The following LRRC4B variants were observed in gnomAD, a reference collection of about 807,000 sequenced individuals.
LRRC4B encodes leucine-rich repeat-containing protein 4B.
LRRC4B carries 1 observed loss-of-function variant against 7.3 expected under a neutral mutation model. The ratio of observed to expected loss-of-function variants is 0.14; its 90% CI spans 0.05 to 0.65. The LOEUF is 0.65. LRRC4B is among the 30% of genes least tolerant of loss of function. LRRC4B has a pLI of 0.84. For synonymous variants in LRRC4B, 500 were observed against 499.2 expected (o/e 1.00, Z -0.02); for missense variants, 730 against 1,041.6 (o/e 0.70, Z 4.12).
chr19:50,564,879 C>G lies in LRRC4B; in HGVS notation c.-36+3065G>C, dbSNP rs1415621763. Among the ~76,000 whole-genome samples, 4 of 142,368 alleles carry G rather than the reference C, an allele frequency of 2.8e-5. No individual in the cohort carries two copies. In the South Asian group the frequency reaches 6.6e-4, roughly 23 times the overall value. The allele number at this position is 142,368 out of a possible 152,430, so 93.4% of individuals were successfully genotyped here. On this transcript the variant is annotated intron_variant, in intron 1 of 2. Transcript: ENST00000652263. The stretch of plus-strand genomic sequence containing the variant: ...GGGACTGAGGATTCAGCGGCCACCC[C>G]CGCCCCCAATCCCCAACCCACAGCA...
intron 2 of LRRC4B, among the ~76,000 whole-genome samples, chr19:50,547,968 C>T (rs1013524440): frequency 4.6e-5 from 7 of 152,032 alleles, no homozygotes; most frequent in African/African-American, 1.7e-4. Context: ...GGACGCAAAC[C>T]CTGCACTGCC....
chr19:50,526,816 A>T (rs1057096023), intron 2 of LRRC4B, among the ~76,000 whole-genome samples: 2 of 151,902 alleles, frequency 1.3e-5, no homozygotes, highest in African/African-American at 4.8e-5. Flanking sequence ...AATTTTTTCT[A>T]TGCATATTAT....
At chr19:50,549,882 G>T (rs1240497373) in intron 1 of LRRC4B, among the ~76,000 whole-genome samples, 1 of 152,212 alleles carries the variant, frequency 6.6e-6, no homozygotes, top group Non-Finnish European at 1.5e-5. Context: ...GGAAGGGAAG[G>T]GGGTCCAGGG....
chr19:50,540,375 T>A (rs1282606412), intron 2 of LRRC4B, among the ~76,000 whole-genome samples: 1 of 152,170 alleles, frequency 6.6e-6, no homozygotes, highest in Admixed American at 6.5e-5. Flanking sequence ...AAAAAAATTT[T>A]TTTTTGAGAC....
chr19:50,535,090 G>A (rs957628586), intron 2 of LRRC4B, among the ~76,000 whole-genome samples: 12 of 151,978 alleles, frequency 7.9e-5, no homozygotes, highest in Admixed American at 1.3e-4. Context: ...GGATGGTCTC[G>A]ATCTCCTGAC....
At chr19:50,529,634 G>C (rs1249973589) in intron 2 of LRRC4B, among the ~76,000 whole-genome samples, 1 of 151,932 alleles carries the variant, frequency 6.6e-6, no homozygotes, top group Admixed American at 6.6e-5. Context: ...GTGAAACCCC[G>C]TCTCTACTGA....
At chr19:50,532,166 G>A (rs1445763472) in intron 2 of LRRC4B, among the ~76,000 whole-genome samples, 1 of 152,170 alleles carries the variant, frequency 6.6e-6, no homozygotes, top group Admixed American at 6.5e-5. Context: ...AACCCGGGAG[G>A]CGGAGGTTGC....
chr19:50,557,012 G>C (rs1338440351), intron 1 of LRRC4B, among the ~76,000 whole-genome samples: 1 of 152,190 alleles, frequency 6.6e-6, no homozygotes, highest in Non-Finnish European at 1.5e-5. Context: ...CTCAGCTCTG[G>C]TGGGTGAAGG....
At position 50,553,905 on chromosome 19, in the gene LRRC4B, G is replaced by A. The variant is rs1045219333; in HGVS notation, c.-35-5032C>T. On this transcript the variant is annotated intron_variant, in intron 1 of 2. Coordinates refer to ENST00000652263, the MANE Select transcript of LRRC4B (RefSeq NM_001080457.2). This position sits in a 1 kb window ranked among gnomAD's most constrained non-coding sequence, Gnocchi z 4.2. ...CACCGAGCCAGGCCGCACTGCAATA[G>A]CTGCACAATGCAGGCTCCCAGCCCT... 7.2e-5 allele frequency among the ~76,000 whole-genome samples: 11 copies of A among 151,748 alleles called. No homozygotes were observed. Among genetic ancestry groups the A allele is most frequent in the African/African-American group, 2.7e-4 (11 of 41,344 alleles).
intron 1 of LRRC4B, among the ~76,000 whole-genome samples, chr19:50,551,802 G>GCGATTA (rs780238530): frequency 4.0e-5 from 6 of 150,876 alleles, no homozygotes; most frequent in Non-Finnish European, 7.4e-5. Flanking sequence ...CTCTTTCTCC[G>GCGATTA]CGATTACAAT....
At chr19:50,527,702 C>T (rs1240880271) in intron 2 of LRRC4B, among the ~76,000 whole-genome samples, 1 of 150,280 alleles carries the variant, frequency 6.7e-6, no homozygotes, top group Admixed American at 6.6e-5. Flanking sequence ...TTCTCTCTGT[C>T]TCTTTCCCTC....
intron 1 of LRRC4B, among the ~76,000 whole-genome samples, chr19:50,559,012 A>G (rs1216645057): frequency 1.3e-5 from 2 of 152,234 alleles, no homozygotes; most frequent in East Asian, 1.9e-4. Context: ...CAAGGGGCCC[A>G]TGGCGAGAGC....
In LRRC4B at chr19:50,518,187, G is replaced by T. The variant is rs2122756439; in HGVS notation, c.1526C>A (p.Thr509Lys). ...CGTGGGCCCTGGCGGTTCCTTCTCC[G>T]TCCCCCGCGGCTGCAGGGCCTCCTC... is the stretch of plus-strand genomic sequence containing the variant. The part of the protein sequence containing the change: ...PGEEALQPRG[T>K]EKEPPGPTTD... Residue 509 changes from threonine to lysine, a missense_variant, in exon 3 of 3, where the codon ACG (threonine) becomes AAG (lysine). Physicochemically the swap from Thr to Lys is moderately conservative, Grantham distance 78. Coordinates refer to ENST00000652263, the MANE Select transcript of LRRC4B (RefSeq NM_001080457.2). 1 of 1,607,656 alleles carries T rather than the reference G, an allele frequency of 6.2e-7. No individual in the cohort carries two copies.
At chr19:50,566,475 A>G (rs1371527665) in intron 1 of LRRC4B, among the ~76,000 whole-genome samples, 2 of 146,382 alleles carry the variant, frequency 1.4e-5, no homozygotes, top group African/African-American at 2.5e-5. Context: ...AAGTCACCAG[A>G]GGCTGCGGGG....
At chr19:50,535,209 A>G (rs758258201) in intron 2 of LRRC4B, among the ~76,000 whole-genome samples, 10 of 143,712 alleles carry the variant, frequency 7.0e-5, no homozygotes, top group Non-Finnish European at 1.4e-4. Context: ...ATCTTGCTCT[A>G]TTGCTCAGGC....
At position 50,519,566 on chromosome 19, in the gene LRRC4B, G is replaced by A. The variant is rs1194438066; in HGVS notation, c.298-151C>T. 2.8e-6 allele frequency: 4 copies of A among 1,411,678 alleles called. No individual in the cohort carries two copies. The highest frequency in any genetic ancestry group is 3.7e-6 in the Non-Finnish European group (4 of 1,080,426). 87.4% of individuals were successfully genotyped at this position (1,411,678 alleles called of 1,614,324 possible). A position where few individuals can be genotyped will look rare whatever the true frequency, so the allele number is the denominator to read the frequency against. On this transcript the variant is annotated intron_variant, in intron 2 of 2. Transcript: ENST00000652263. This position sits in a 1 kb window ranked among gnomAD's most constrained non-coding sequence, Gnocchi z 8.1. ...CCTATATTGCAACATGGTTTGATGA[G>A]TTTCTTATAAAGTTAAAACTGGAGT...
chr19:50,541,322 A>T (rs1464179353), intron 2 of LRRC4B, among the ~76,000 whole-genome samples: 2 of 144,828 alleles, frequency 1.4e-5, no homozygotes, highest in African/African-American at 2.6e-5. Context: ...CCAAGATTGC[A>T]CCACTGCACT....
chr19:50,543,447 C>T (rs1372557408), intron 2 of LRRC4B, among the ~76,000 whole-genome samples: 3 of 152,008 alleles, frequency 2.0e-5, no homozygotes, highest in African/African-American at 7.2e-5. Context: ...CATCATCCCT[C>T]AGACCCAGAA....
At chr19:50,527,284 A>T (rs1185087863) in intron 2 of LRRC4B, among the ~76,000 whole-genome samples, 1 of 151,212 alleles carries the variant, frequency 6.6e-6, no homozygotes, top group Non-Finnish European at 1.5e-5. Flanking sequence ...TGCCCGCCTC[A>T]GCCTCCCAAA....
Sources: allele counts gnomAD v4.1 joint callset (sites outside exome capture counted in the v4.1 genomes callset), GRCh38; gene constraint gnomAD v4.1.1; non-coding constraint Gnocchi (gnomAD v3.1); transcripts MANE v1.5; gene names NCBI Gene and HGNC (gene_info 2026-07-23, HGNC 2026-07-21).